Variants in GSE1 observed in about 807,000 individuals in gnomAD.
The protein encoded by GSE1 is Gse1 coiled-coil protein, also known as genetic suppressor element 1.
Under a neutral mutation model 112.6 loss-of-function variants are expected in GSE1, and 32 were observed. That is an observed-to-expected ratio of 0.28 (90% CI 0.21 to 0.38). The LOEUF is 0.38. GSE1 is among the 10% of genes least tolerant of loss of function. The probability of loss-of-function intolerance (pLI) is 1.00; values close to 1 mark genes in which losing one functional copy is unlikely to be tolerated. For missense variants in GSE1, 2,348 were observed against 1,699.2 expected (o/e 1.38, Z -6.71); for synonymous variants, 1,115 against 735.6 (o/e 1.52, Z -8.35).
At chr16:85,533,975 T>A (rs937962498) in intron 2 of GSE1, among the ~76,000 whole-genome samples, 2 of 152,204 alleles carry the variant, frequency 1.3e-5, no homozygotes, top group African/African-American at 4.8e-5. Context: ...TACGTCTGTG[T>A]AACCCCCACC....
At chr16:85,211,781 C>T (rs1352400229) in intron 1 of GSE1, among the ~76,000 whole-genome samples, 2 of 152,240 alleles carry the variant, frequency 1.3e-5, no homozygotes, top group East Asian at 3.8e-4. Context: ...TGCCACTCCG[C>T]TGCTGCCTCT....
chr16:85,318,666 G>T (rs552468846), intron 1 of GSE1, among the ~76,000 whole-genome samples: 1 of 152,188 alleles, frequency 6.6e-6, no homozygotes, highest in Non-Finnish European at 1.5e-5. Flanking sequence ...TAGAGCCAGC[G>T]CCATCGTTCA....
At chr16:85,337,600 CG>C (rs1268128803) in intron 1 of GSE1, among the ~76,000 whole-genome samples, 1 of 148,398 alleles carries the variant, frequency 6.7e-6, no homozygotes, top group South Asian at 2.2e-4. Flanking sequence ...CCACCGCGCC[CG>C]GCCAGGCTCA....
intron 2 of GSE1, among the ~76,000 whole-genome samples, chr16:85,461,439 A>G (rs914818851): frequency 9.2e-5 from 14 of 152,114 alleles, no homozygotes; most frequent in Non-Finnish European, 1.8e-4. Context: ...AGGGAGCTTT[A>G]GAAACTACCA....
intron 1 of GSE1, among the ~76,000 whole-genome samples, chr16:85,263,218 A>G (rs1907896238): frequency 6.6e-6 from 1 of 152,054 alleles, no homozygotes; most frequent in Non-Finnish European, 1.5e-5. Flanking sequence ...CATCATCATG[A>G]TGTTAGCATC....
chr16:85,648,820 G>A, intron 3 of GSE1, 69 bp downstream of exon 3: 1 of 887,576 alleles, frequency 1.1e-6, no homozygotes, highest in Non-Finnish European at 1.7e-6. Context: ...ATCCATTGGG[G>A]GCTCTGGAGC....
intron 3 of GSE1, among the ~76,000 whole-genome samples, chr16:85,651,425 C>T (rs896159525): frequency 3.9e-5 from 6 of 152,130 alleles, no homozygotes; most frequent in Non-Finnish European, 7.4e-5. Flanking sequence ...CCCGGACTCC[C>T]TGTTTGTCCT....
intron 1 of GSE1, among the ~76,000 whole-genome samples, chr16:85,331,323 CTGTGTGTGTGTG>C (rs71151278): frequency 0.018 from 1,511 of 84,498 alleles, 118 homozygotes; most frequent in Non-Finnish European, 0.024. Flanking sequence ...CAGCTAATTT[CTGTGTGTGTGTG>C]TGTGTGTGTG....
upstream of GSE1, among the ~76,000 whole-genome samples, chr16:85,606,642 G>A (rs2151508875): frequency 6.6e-6 from 1 of 152,340 alleles, no homozygotes; most frequent in Non-Finnish European, 1.5e-5. Context: ...CACCACCAGG[G>A]TGCAGGACCC....
At chr16:85,171,567 G>C in exon 1 of GSE1, 1 of 985,598 alleles carries the variant, frequency 1.0e-6, no homozygotes, top group Non-Finnish European at 1.2e-6. Flanking sequence ...AGGTGGAGAC[G>C]TTCGTGTGCT....
chr16:85,660,855 C>G (rs1326691755), intron 8 of GSE1, among the ~76,000 whole-genome samples: 1 of 152,126 alleles, frequency 6.6e-6, no homozygotes, highest in East Asian at 2.0e-4. Context: ...TGGTCTCAAA[C>G]TGCTGACCTT....
intron 2 of GSE1, among the ~76,000 whole-genome samples, chr16:85,479,461 G>C (rs974225131): frequency 2.6e-5 from 4 of 151,746 alleles, no homozygotes; most frequent in Non-Finnish European, 5.9e-5. Context: ...GAGCCACCAT[G>C]CCTGGCCAAT....
chr16:85,237,469 G>A (rs1223467321), intron 1 of GSE1, among the ~76,000 whole-genome samples: 2 of 152,188 alleles, frequency 1.3e-5, no homozygotes, highest in African/African-American at 2.4e-5. Context: ...AGTCCTGGGA[G>A]GGAGTTCCGA....
At chr16:85,335,621 C>G (rs2046466627) in intron 1 of GSE1, among the ~76,000 whole-genome samples, 1 of 152,176 alleles carries the variant, frequency 6.6e-6, no homozygotes, top group Admixed American at 6.5e-5. Flanking sequence ...AGGTGCCCGG[C>G]TCCTCCCACA....
chr16:85,574,411 C>A (rs79431223), intron 1 of GSE1, among the ~76,000 whole-genome samples: 10,593 of 152,226 alleles, frequency 0.07, 864 homozygotes, highest in African/African-American at 0.18. Flanking sequence ...TGGGTCTTTC[C>A]GGAGCTCTGC....
chr16:85,550,311 G>C (rs999781003), intron 2 of GSE1, among the ~76,000 whole-genome samples: 1 of 152,128 alleles, frequency 6.6e-6, no homozygotes, highest in Non-Finnish European at 1.5e-5. Flanking sequence ...CAAGCTGCTC[G>C]ACCTCTCTGT....
intron 2 of GSE1, among the ~76,000 whole-genome samples, chr16:85,535,172 G>A (rs2044281724): frequency 6.6e-6 from 1 of 152,214 alleles, no homozygotes; most frequent in Admixed American, 6.5e-5. Context: ...CACCAGCCTG[G>A]GGGAGGCATG....
chr16:85,297,650 C>A (rs1366143589), intron 1 of GSE1, among the ~76,000 whole-genome samples: 2 of 152,140 alleles, frequency 1.3e-5, no homozygotes, highest in South Asian at 4.1e-4. Context: ...CAGGCACATG[C>A]CACCCAAAGT....
At chr16:85,658,786 C>G (rs2052186329) in intron 8 of GSE1, among the ~76,000 whole-genome samples, 1 of 149,704 alleles carries the variant, frequency 6.7e-6, no homozygotes, top group Non-Finnish European at 1.5e-5. Context: ...ATCAGGGTGC[C>G]CTGACTCCTG....
Sources: gnomAD v4.1 joint callset for allele counts (sites outside exome capture counted in the v4.1 genomes callset) on GRCh38, gnomAD v4.1.1 for gene constraint, MANE v1.5 for transcripts, NCBI Gene and HGNC (gene_info 2026-07-23, HGNC 2026-07-21) for gene names.